IKZF2: variants seen among roughly 807,000 people sequenced by gnomAD.
IKZF2 encodes the protein IKAROS family zinc finger 2.
In IKZF2, 15 loss-of-function variants were observed where a neutral mutation model predicts 49.2. The observed-to-expected ratio is 0.30, with a 90% CI of 0.20 to 0.47. IKZF2 has a LOEUF of 0.47. Ranked by LOEUF, IKZF2 falls within the 20% of genes least tolerant of loss-of-function variation. The probability of loss-of-function intolerance (pLI) is 1.00; values close to 1 mark genes in which losing one functional copy is unlikely to be tolerated. For synonymous variants in IKZF2, 227 were observed against 221.4 expected (o/e 1.03, Z -0.23); for missense variants, 567 against 664.6 (o/e 0.85, Z 1.61).
At position 213,068,052 on chromosome 2, in the gene IKZF2, C is replaced by T. The variant is rs74556386; in HGVS notation, c.140-10953G>A. Among the ~76,000 whole-genome samples, 1,148 of 152,178 alleles carry T rather than the reference C, an allele frequency of 7.5e-3. 7 individuals carry two copies. Among genetic ancestry groups the T allele is most frequent in the Non-Finnish European group, 0.013 (868 of 67,968 alleles). On this transcript the variant is annotated intron_variant, in intron 4 of 8. Transcript: ENST00000434687. The stretch of plus-strand genomic sequence containing the variant: ...CATTTCTAAATCACCATTTAAACAG[C>T]TTTCTAAAGCTCATAACTAAAGTAT...
At position 213,002,642 on chromosome 2, in the gene IKZF2, G is replaced by A. The variant is rs1398209101; in HGVS notation, c.*4718C>T. The A allele has an allele frequency of 3.3e-5, 5 of 151,822 alleles. No individual in the cohort carries two copies. Among genetic ancestry groups the A allele is most frequent in the Admixed American group, 2.6e-4 (4 of 15,168 alleles). 9.4% of individuals were successfully genotyped at this position (151,822 alleles called of 1,614,324 possible). ...ATGATATGAAACCATTTGAGATTAT[G>A]CTTTGGAGAATAGCAATGTGATATG... is the stretch of plus-strand genomic sequence containing the variant. On this transcript the variant is annotated 3_prime_UTR_variant, in exon 9 of 9. Transcript: ENST00000434687.
At chr2:213,021,854 T>C in intron 7 of IKZF2, 139 bp downstream of exon 7, 1 of 868,748 alleles carries the variant, frequency 1.2e-6, no homozygotes, top group Non-Finnish European at 1.7e-6. Flanking sequence ...ATACAGATTA[T>C]TTGCAATGTA....
At position 213,147,969 on chromosome 2, in the gene IKZF2, A is replaced by T. The variant is rs534073187; in HGVS notation, c.35-157T>A. Among the ~76,000 whole-genome samples, 4 of 152,328 alleles carry T rather than the reference A, an allele frequency of 2.6e-5. No homozygotes were observed. The South Asian group carries it at 8.3e-4, about 32-fold the overall frequency. ...CTATAAGGAAATATCATTTAGAAATATACAGTTGAATGAAATGATGAGAAG... is the reference window on the plus strand; with the variant it reads ...CTATAAGGAAATATCATTTAGAAATTTACAGTTGAATGAAATGATGAGAAG... On this transcript the variant is annotated intron_variant, in intron 3 of 8. Coordinates refer to ENST00000434687, the MANE Select transcript of IKZF2 (RefSeq NM_001387220.1).
intron 4 of IKZF2, among the ~76,000 whole-genome samples, chr2:213,084,065 C>T (rs572593561): frequency 1.3e-5 from 2 of 152,186 alleles, no homozygotes; most frequent in South Asian, 4.2e-4. Flanking sequence ...TGGAGTAAGT[C>T]AGGCCTCAGT....
At chr2:213,146,764 G>GGGGGC (rs2061085433) in intron 4 of IKZF2, among the ~76,000 whole-genome samples, 2 of 125,596 alleles carry the variant, frequency 1.6e-5, no homozygotes, top group South Asian at 5.5e-4. Flanking sequence ...ATCTTCGGGG[G>GGGGGC]GGGGGAAGGA....
At chr2:213,031,163 C>T (rs1465826568) in intron 6 of IKZF2, among the ~76,000 whole-genome samples, 1 of 152,144 alleles carries the variant, frequency 6.6e-6, no homozygotes. Flanking sequence ...CAGGATGTGC[C>T]AGGTGTTGAG....
intron 6 of IKZF2, among the ~76,000 whole-genome samples, chr2:213,038,496 C>T (rs1699269814): frequency 6.6e-6 from 1 of 151,926 alleles, no homozygotes; most frequent in African/African-American, 2.4e-5. Flanking sequence ...AGGTGTATAA[C>T]TTGCAGCTAT....
At chr2:213,093,786 C>T (rs1705631861) in intron 4 of IKZF2, among the ~76,000 whole-genome samples, 1 of 152,168 alleles carries the variant, frequency 6.6e-6, no homozygotes, top group African/African-American at 2.4e-5. Context: ...AAGAAATCTT[C>T]ATTGTACATC....
At chr2:213,051,205 C>G (rs563668162) in intron 5 of IKZF2, among the ~76,000 whole-genome samples, 1 of 152,052 alleles carries the variant, frequency 6.6e-6, no homozygotes, top group Non-Finnish European at 1.5e-5. Flanking sequence ...AAACTATGGT[C>G]ACTTTCTGGC....
intron 4 of IKZF2, among the ~76,000 whole-genome samples, chr2:213,068,467 A>T (rs2125465223): frequency 6.6e-6 from 1 of 152,256 alleles, no homozygotes; most frequent in South Asian, 2.1e-4. Flanking sequence ...GCCTGAGGTT[A>T]AGGATCTTAA....
intron 4 of IKZF2, among the ~76,000 whole-genome samples, chr2:213,141,100 T>C (rs911251427): frequency 2.0e-5 from 3 of 151,910 alleles, no homozygotes; most frequent in Non-Finnish European, 4.4e-5. Context: ...ACCACCACCA[T>C]CTATCCCGTA....
intron 4 of IKZF2, among the ~76,000 whole-genome samples, chr2:213,062,787 G>A (rs917275830): frequency 6.6e-6 from 1 of 151,858 alleles, no homozygotes; most frequent in African/African-American, 2.4e-5. Flanking sequence ...TATTGAAGTT[G>A]CTTCTACACT....
rs989108693 is a variant in IKZF2, at chr2:213,092,187, A to G, written c.140-35088T>C. Reference sequence around the variant, plus strand: ...ACCACATATGCACACCACCACACCTAGCTAATTTAAAATAATTATTTTGTA... The same window carrying G: ...ACCACATATGCACACCACCACACCTGGCTAATTTAAAATAATTATTTTGTA... On this transcript the variant is annotated intron_variant, in intron 4 of 8. Transcript: ENST00000434687. Among the ~76,000 whole-genome samples the G allele has an allele frequency of 2.0e-5, 3 of 151,898 alleles. 1 individual carries two copies. In the South Asian group the frequency reaches 6.2e-4, roughly 32 times the overall value.
At chr2:213,040,243 G>GT (rs34629514) in intron 6 of IKZF2, among the ~76,000 whole-genome samples, 203 of 141,566 alleles carry the variant, frequency 1.4e-3, no homozygotes, top group South Asian at 4.2e-3. Context: ...TGTGTCATGG[G>GT]TTTTTTTTTT....
chr2:213,030,092 C>T (rs965441738), intron 6 of IKZF2, among the ~76,000 whole-genome samples: 1 of 151,920 alleles, frequency 6.6e-6, no homozygotes, highest in Non-Finnish European at 1.5e-5. Context: ...ATATTAACGC[C>T]TTTGACTTAT....
chr2:213,072,936 CAAAT>C, intron 4 of IKZF2, among the ~76,000 whole-genome samples: 1 of 152,216 alleles, frequency 6.6e-6, no homozygotes, highest in Non-Finnish European at 1.5e-5. Context: ...TCAATACTCT[CAAAT>C]GATGGTCAAT....
intron 7 of IKZF2, among the ~76,000 whole-genome samples, chr2:213,017,811 T>A (rs1385380399): frequency 6.6e-6 from 1 of 152,228 alleles, no homozygotes; most frequent in Non-Finnish European, 1.5e-5. Flanking sequence ...GTACTATAAT[T>A]GTTGTTTTAC....
rs1216559207 is a variant in IKZF2, at chr2:212,999,764, T to G, written c.*7596A>C. The G allele has an allele frequency of 2.0e-5, 3 of 152,412 alleles. No homozygotes were observed. Among genetic ancestry groups the G allele is most frequent in the Admixed American group, 1.3e-4 (2 of 15,220 alleles). The allele number at this position is 152,412 out of a possible 1,614,324, so 9.4% of individuals were successfully genotyped here. ...AATATACAGAATTAAAAACTGCACT[T>G]ACACTTCTGAGAAGAAATAAATCTT... On this transcript the variant is annotated 3_prime_UTR_variant, in exon 9 of 9. Transcript: ENST00000434687.
At chr2:213,148,237 A>G (rs1455550760) in intron 3 of IKZF2, among the ~76,000 whole-genome samples, 1 of 152,234 alleles carries the variant, frequency 6.6e-6, no homozygotes, top group Non-Finnish European at 1.5e-5. Context: ...TTCACATAAT[A>G]TGTCTGAAAA....
Sources: gnomAD v4.1 joint callset for allele counts (sites outside exome capture counted in the v4.1 genomes callset) on GRCh38, gnomAD v4.1.1 for gene constraint, MANE v1.5 for transcripts, NCBI Gene and HGNC (gene_info 2026-07-23, HGNC 2026-07-21) for gene names.